The following PGAP1 variants were observed in gnomAD, a reference collection of about 807,000 sequenced individuals.
PGAP1 encodes GPI inositol-deacylase.
PGAP1 carries 76 observed loss-of-function variants against 127.0 expected under a neutral mutation model. That is an observed-to-expected ratio of 0.60 (90% CI 0.50 to 0.72). The LOEUF is 0.72. PGAP1 is among the 30% of genes least tolerant of loss of function. The pLI is 0.00. For missense variants in PGAP1, 982 were observed against 1,071.3 expected, an observed-to-expected ratio of 0.92 and a Z score of 1.16; for synonymous variants, 362 against 366.5, an observed-to-expected ratio of 0.99 and a Z score of 0.14.
At chr2:196,890,571 C>A (rs73064983) in intron 10 of PGAP1, among the ~76,000 whole-genome samples, 18 of 151,856 alleles carry the variant, frequency 1.2e-4, no homozygotes, top group African/African-American at 3.4e-4. Flanking sequence ...TCCTTCATCA[C>A]GAACAGAGTA....
chr2:196,888,025 C>T (rs1000167645), intron 10 of PGAP1, among the ~76,000 whole-genome samples: 1 of 152,126 alleles, frequency 6.6e-6, no homozygotes, highest in Non-Finnish European at 1.5e-5. Flanking sequence ...CATACTACTT[C>T]GGTGTATAGG....
chr2:196,901,902 A>G (rs1328691239), intron 5 of PGAP1, among the ~76,000 whole-genome samples: 1 of 152,196 alleles, frequency 6.6e-6, no homozygotes, highest in Non-Finnish European at 1.5e-5. Flanking sequence ...ATTCCAGTCC[A>G]CACATTCTTA....
In PGAP1 at chr2:196,841,207, T is replaced by C. The variant is rs369589658; in HGVS notation, c.*27A>G. The C allele has an allele frequency of 1.8e-5, 29 of 1,601,502 alleles. No individual in the cohort carries two copies. Among genetic ancestry groups the C allele is most frequent in the Non-Finnish European group, 2.3e-5 (27 of 1,173,744 alleles). ...TATCACTGGCCCTAAACACATAAATTATCTTCATCATTCCTTAAGTCCAAT... is the reference window on the plus strand; with the variant it reads ...TATCACTGGCCCTAAACACATAAATCATCTTCATCATTCCTTAAGTCCAAT... On this transcript the variant is annotated 3_prime_UTR_variant, in exon 27 of 27. Coordinates refer to ENST00000354764, the MANE Select transcript of PGAP1 (RefSeq NM_024989.4).
chr2:196,920,223 T>G (rs993679661), intron 1 of PGAP1, 73 bp from the exon 2 acceptor site: 3 of 1,338,272 alleles, frequency 2.2e-6, no homozygotes, highest in Non-Finnish European at 3.1e-6. Flanking sequence ...TATGCAATTC[T>G]GAATTACGCA....
chr2:196,856,437 G>A (rs1700885504), intron 20 of PGAP1, among the ~76,000 whole-genome samples: 1 of 152,170 alleles, frequency 6.6e-6, no homozygotes, highest in African/African-American at 2.4e-5. Context: ...TTGTTTTCAA[G>A]TTCTTGATAG....
At chr2:196,923,852 C>T (rs1391815854) in intron 1 of PGAP1, among the ~76,000 whole-genome samples, 3 of 152,074 alleles carry the variant, frequency 2.0e-5, no homozygotes, top group Admixed American at 6.6e-5. Flanking sequence ...GTTACACATA[C>T]GAAGATAGCC....
At chr2:196,911,606 TAAAAAAAAA>T (rs56107551) in intron 4 of PGAP1, among the ~76,000 whole-genome samples, 30 of 77,294 alleles carry the variant, frequency 3.9e-4, no homozygotes, top group African/African-American at 8.9e-4. Context: ...TAGAGTATAA[TAAAAAAAAA>T]AAAAAAAAAA....
At chr2:196,845,790 T>G in intron 23 of PGAP1, 92 bp downstream of exon 23, 13 of 1,079,828 alleles carry the variant, frequency 1.2e-5, no homozygotes, top group Admixed American at 2.5e-5. Context: ...ACAGTGTTTA[T>G]GAGAATTTTT....
chr2:196,912,780 T>G, intron 4 of PGAP1, 102 bp downstream of exon 4: 1 of 1,086,404 alleles, frequency 9.2e-7, no homozygotes, highest in Non-Finnish European at 1.3e-6. Flanking sequence ...GCTTCATACA[T>G]GGATAAATCT....
At position 196,878,251 on chromosome 2, in the gene PGAP1, G is replaced by A. The variant is rs565495019; in HGVS notation, c.1350+1825C>T. ...TGCCTATACATAATCACATATCTTGGGGATGGAACCCAAGTCTAAACACAA... is the reference window on the plus strand; with the variant it reads ...TGCCTATACATAATCACATATCTTGAGGATGGAACCCAAGTCTAAACACAA... On this transcript the variant is annotated intron_variant, in intron 13 of 26. Coordinates refer to ENST00000354764, the MANE Select transcript of PGAP1 (RefSeq NM_024989.4). 1.2e-3 allele frequency among the ~76,000 whole-genome samples: 187 copies of A among 152,018 alleles called. 1 individual carries two copies. Among genetic ancestry groups the A allele is most frequent in the Non-Finnish European group, 1.9e-3 (129 of 67,980 alleles).
chr2:196,887,599 T>A (rs1701957965), intron 10 of PGAP1, among the ~76,000 whole-genome samples: 1 of 152,094 alleles, frequency 6.6e-6, no homozygotes. Flanking sequence ...AAGAAATCAA[T>A]GCTTTTATTC....
intron 20 of PGAP1, among the ~76,000 whole-genome samples, chr2:196,855,999 G>C (rs532940820): frequency 6.6e-6 from 1 of 151,976 alleles, no homozygotes; most frequent in Non-Finnish European, 1.5e-5. Context: ...GGTTTTTATT[G>C]TTTTTGTTTT....
intron 13 of PGAP1, among the ~76,000 whole-genome samples, chr2:196,876,258 G>T (rs59538767): frequency 2.6e-5 from 4 of 151,918 alleles, no homozygotes; most frequent in Non-Finnish European, 4.4e-5. Context: ...GAAAAATCCT[G>T]TATTTATTAA....
At chr2:196,921,470 G>A (rs1372527648) in intron 1 of PGAP1, among the ~76,000 whole-genome samples, 1 of 152,032 alleles carries the variant, frequency 6.6e-6, no homozygotes, top group East Asian at 1.9e-4. Context: ...AAAATGATGT[G>A]ATAGTTTACT....
At chr2:196,893,331 G>A in intron 7 of PGAP1, 86 bp from the exon 8 acceptor site, 1 of 692,514 alleles carries the variant, frequency 1.4e-6, no homozygotes, top group Non-Finnish European at 2.5e-6. Context: ...GATGACAACA[G>A]CCAACATTTA....
intron 1 of PGAP1, 109 bp downstream of exon 1, chr2:196,926,360 AG>A: frequency 6.6e-7 from 1 of 1,522,682 alleles, no homozygotes; most frequent in Non-Finnish European, 8.9e-7. Flanking sequence ...AGGACGGGAC[AG>A]GGGGCCCGAG....
chr2:196,891,091 T>G (rs867178365), intron 9 of PGAP1, among the ~76,000 whole-genome samples, 180 bp from the exon 10 acceptor site: 1 of 152,216 alleles, frequency 6.6e-6, no homozygotes, highest in Middle Eastern at 3.2e-3. Flanking sequence ...AGATTAGGTA[T>G]AAACTCTGTA....
At chr2:196,904,564 T>C (rs1702625406) in intron 4 of PGAP1, among the ~76,000 whole-genome samples, 1 of 151,986 alleles carries the variant, frequency 6.6e-6, no homozygotes, top group Admixed American at 6.6e-5. Flanking sequence ...GGTGAAACAC[T>C]GTCTCTACTA....
chr2:196,872,962 T>C lies in PGAP1; in HGVS notation c.1617A>G (p.Ala539=), dbSNP rs1701453633. 1.0e-6 allele frequency: 1 copy of C among 1,001,602 alleles called. No homozygotes were observed. Among genetic ancestry groups the C allele is most frequent in the Non-Finnish European group, 1.5e-6 (1 of 658,618 alleles). 62.0% of individuals were successfully genotyped at this position (1,001,602 alleles called of 1,614,324 possible). ...AGTAAATTCTTTCAAATACTTACTG[T>C]GCAATGGTTAGTGAATCTTCATAAG... ...PWSYEDSLTI[A]QAPSSTEISL... Residue 539 remains alanine (A), a splice_region_variant and synonymous_variant, in exon 17 of 27, where the codon GCA becomes GCG. Coordinates refer to ENST00000354764, the MANE Select transcript of PGAP1 (RefSeq NM_024989.4).
Sources: gnomAD v4.1 joint callset for allele counts (sites outside exome capture counted in the v4.1 genomes callset) on GRCh38, gnomAD v4.1.1 for gene constraint, MANE v1.5 for transcripts, NCBI Gene and HGNC (gene_info 2026-07-23, HGNC 2026-07-21) for gene names.